TNKS1BP1: variants seen among roughly 807,000 people sequenced by gnomAD.
TNKS1BP1 encodes 182 kDa tankyrase-1-binding protein.
A neutral mutation model predicts 141.1 loss-of-function variants in TNKS1BP1; 48 were observed. The observed-to-expected ratio is 0.34, with a 90% CI of 0.27 to 0.43. The LOEUF (loss-of-function observed/expected upper bound fraction) is 0.43. Ranked by LOEUF, TNKS1BP1 falls within the 20% of genes least tolerant of loss-of-function variation. The probability of loss-of-function intolerance (pLI) is 1.00; values close to 1 mark genes in which losing one functional copy is unlikely to be tolerated. For synonymous variants in TNKS1BP1, 875 were observed against 898.2 expected (o/e 0.97, Z 0.46); for missense variants, 2,149 against 2,226.0 (o/e 0.97, Z 0.70).
chr11:57,311,284 G>A (rs1411319758), intron 5 of TNKS1BP1: 3 of 985,874 alleles, frequency 3.0e-6, no homozygotes, highest in Admixed American at 6.1e-5. Context: ...GAGCCGGCCA[G>A]CCTCATCCCT....
At chr11:57,311,160 G>A (rs566496164) in intron 5 of TNKS1BP1, 13 of 884,600 alleles carry the variant, frequency 1.5e-5, no homozygotes, top group African/African-American at 3.6e-5. Flanking sequence ...AAGACAAGAG[G>A]GGCAGCCTCT....
At position 57,309,707 on chromosome 11, in the gene TNKS1BP1, T is replaced by A; in HGVS notation, c.3004A>T (p.Ile1002Phe). Residue 1002 changes from isoleucine to phenylalanine, a missense_variant, in exon 6 of 12, where the codon ATT becomes TTT. Ile to Phe is a conservative substitution (Grantham distance 21). Transcript: ENST00000358252. This position sits in a 1 kb window ranked among gnomAD's most constrained non-coding sequence, Gnocchi z 4.3. ...CCAAGGCTGTCTTCCACACTTGGAA[T>A]CTTCTTCTCAAATTCCTCATCCTGT... ...QQQDEEFEKKIPSVEDSLGEG... is the reference protein window; with the variant it reads ...QQQDEEFEKKFPSVEDSLGEG... 3 of 1,613,930 alleles carry A rather than the reference T, an allele frequency of 1.9e-6. No individual in the cohort carries two copies. Among genetic ancestry groups the A allele is most frequent in the South Asian group, 1.1e-5 (1 of 91,066 alleles).
intron 6 of TNKS1BP1, among the ~76,000 whole-genome samples, chr11:57,305,767 C>CA (rs34293290): frequency 0.035 from 5,403 of 152,238 alleles, 148 homozygotes; most frequent in Non-Finnish European, 0.047. Context: ...GAACAATTAA[C>CA]AAAACCCCAT....
chr11:57,319,956 A>T, intron 3 of TNKS1BP1, 123 bp downstream of exon 3: 1 of 1,344,344 alleles, frequency 7.4e-7, no homozygotes, highest in Non-Finnish European at 1.0e-6. Context: ...ACAGCACACA[A>T]CCAACCTACA....
chr11:57,324,952 C>A lies in TNKS1BP1; in HGVS notation c.-178G>T, dbSNP rs527414295. ...CCGTCACCGCGGGACGAAGCCACTG[C>A]GAGCCCCGGCGGGGCCCCGCCCCAA... On this transcript the variant is annotated 5_prime_UTR_variant, in exon 1 of 12. Transcript: ENST00000358252. The A allele has an allele frequency of 5.1e-6, 5 of 989,876 alleles. No homozygotes were observed. The Admixed American group carries it at 1.8e-4, about 36-fold the overall frequency. 61.3% of individuals were successfully genotyped at this position (989,876 alleles called of 1,614,324 possible).
At chr11:57,322,026 T>C in intron 1 of TNKS1BP1, 76 bp from the exon 2 acceptor site, 1 of 1,252,106 alleles carries the variant, frequency 8.0e-7, no homozygotes, top group Non-Finnish European at 1.0e-6. Context: ...AAGTCTCCTA[T>C]TTCTAACAGA....
At chr11:57,318,136 T>C (rs1855825955) in intron 3 of TNKS1BP1, among the ~76,000 whole-genome samples, 1 of 152,190 alleles carries the variant, frequency 6.6e-6, no homozygotes, top group African/African-American at 2.4e-5. Flanking sequence ...CCCAGCTACT[T>C]TAGGAAAAGC....
At chr11:57,322,400 C>T (rs777051866) in intron 1 of TNKS1BP1, 62 of 804,228 alleles carry the variant, frequency 7.7e-5, no homozygotes, top group Middle Eastern at 6.2e-4. Flanking sequence ...CCTGCCTCCC[C>T]CTTCCCACTC....
chr11:57,316,171 T>C (rs985375615), intron 4 of TNKS1BP1, among the ~76,000 whole-genome samples: 31 of 152,200 alleles, frequency 2.0e-4, no homozygotes, highest in Non-Finnish European at 4.0e-4. Flanking sequence ...TCCAATTCTC[T>C]GTGCTCATCT....
chr11:57,313,370 G>C lies in TNKS1BP1; in HGVS notation c.1318C>G (p.Gln440Glu). 6.2e-7 allele frequency: 1 copy of C among 1,612,638 alleles called. No homozygotes were observed. The highest frequency in any genetic ancestry group is 8.5e-7 in the Non-Finnish European group (1 of 1,179,680). ...GCCAGCGAGCCCCCCAGCTTCTCCT[G>C]GTCCTGACTGGGTGACTGGAGCACA... ...EGVLQSPSQD[Q>E]EKLGGSLAAL... The change falls in exon 5 of 12, where the codon CAG becomes GAG. Residue 440 changes from glutamine (Q) to glutamate (E), a missense_variant. Coordinates refer to ENST00000358252, the MANE Select transcript of TNKS1BP1 (RefSeq NM_033396.3).
rs914127722 is a variant in TNKS1BP1, at chr11:57,321,831, C to G, written c.55G>C (p.Glu19Gln). ...SSAMASPLPR[E>Q]MEEELVPTGS... is the part of the protein sequence containing the mutation. ...GTAGGCACCAGCTCCTCCTCCATCT[C>G]CCGGGGCAGTGGGGAAGCCATGGCT... The change falls in exon 2 of 12, where the codon GAG becomes CAG. Residue 19 changes from glutamate (E) to glutamine (Q), a missense_variant. Glu to Gln is a conservative substitution (Grantham distance 29). Coordinates refer to ENST00000358252, the MANE Select transcript of TNKS1BP1 (RefSeq NM_033396.3). The G allele has an allele frequency of 6.2e-7, 1 of 1,613,842 alleles. No homozygotes were observed. Among genetic ancestry groups the G allele is most frequent in the African/African-American group, 1.3e-5 (1 of 74,886 alleles).
Position 57,308,819 on chromosome 11 carries a change from G to A in TNKS1BP1, c.3892C>T (p.Pro1298Ser). 2 of 1,614,040 alleles carry A rather than the reference G, an allele frequency of 1.2e-6. No homozygotes were observed. The highest frequency in any genetic ancestry group is 8.5e-7 in the Non-Finnish European group (1 of 1,180,006). The change falls in exon 6 of 12, where the codon CCT becomes TCT. Residue 1298 changes from proline (P) to serine (S), a missense_variant. Physicochemically the swap from Pro to Ser is moderately conservative, Grantham distance 74 (BLOSUM62 -1). Coordinates refer to ENST00000358252, the MANE Select transcript of TNKS1BP1 (RefSeq NM_033396.3). ...ACCCCAAGCTCTTTGGACTCTCCAG[G>A]ACTGCAGACTGCCCCTGGGGCCATG... ...RNMAPGAVCS[P>S]GESKELGVGQ...
At chr11:57,313,972 A>AG (rs1855759977) in intron 4 of TNKS1BP1, 83 bp from the exon 5 acceptor site, 1 of 1,346,652 alleles carries the variant, frequency 7.4e-7, no homozygotes, top group African/African-American at 1.5e-5. Context: ...CACAGACCCC[A>AG]GGTCAGCTTC....
chr11:57,321,569 C>G (rs946147405), intron 2 of TNKS1BP1, among the ~76,000 whole-genome samples: 30 of 152,220 alleles, frequency 2.0e-4, no homozygotes, highest in African/African-American at 7.2e-4. Flanking sequence ...TCAAAGGTCC[C>G]TGTCTGCTCT....
intron 6 of TNKS1BP1, among the ~76,000 whole-genome samples, chr11:57,306,287 A>AAAAAAG (rs962820866): frequency 1.4e-5 from 2 of 143,434 alleles, no homozygotes; most frequent in African/African-American, 5.0e-5. Flanking sequence ...CTCCGTTTCA[A>AAAAAAG]AAAAAAAAAG....
At chr11:57,311,706 G>C (rs1018171293) in intron 5 of TNKS1BP1, among the ~76,000 whole-genome samples, 2 of 151,868 alleles carry the variant, frequency 1.3e-5, no homozygotes, top group Non-Finnish European at 2.9e-5. Flanking sequence ...AATAAATTTC[G>C]AAAGCCACCT....
At position 57,321,913 on chromosome 11, in the gene TNKS1BP1, G is replaced by A. The variant is rs542310451; in HGVS notation, c.-28C>T. On this transcript the variant is annotated 5_prime_UTR_variant, in exon 2 of 12. Coordinates refer to ENST00000358252, the MANE Select transcript of TNKS1BP1 (RefSeq NM_033396.3). ...CATGCGGCAGACCCTCCTTGAGAGC[G>A]GGGAGGCAGAGAGGTATGAGCTGGG... 7.4e-6 allele frequency: 12 copies of A among 1,613,172 alleles called. No individual in the cohort carries two copies. Among genetic ancestry groups the A allele is most frequent in the South Asian group, 3.3e-5 (3 of 90,924 alleles).
At chr11:57,310,974 G>C (rs912498659) in intron 5 of TNKS1BP1, among the ~76,000 whole-genome samples, 1 of 152,140 alleles carries the variant, frequency 6.6e-6, no homozygotes, top group Non-Finnish European at 1.5e-5. Context: ...GCCTCTCTGC[G>C]ACTTCCCTTG....
At chr11:57,322,752 C>T (rs1051321039) in intron 1 of TNKS1BP1, among the ~76,000 whole-genome samples, 1 of 152,000 alleles carries the variant, frequency 6.6e-6, no homozygotes, top group Non-Finnish European at 1.5e-5. Flanking sequence ...TGAGAACATC[C>T]GGGGGGTGGA....
Sources: allele counts gnomAD v4.1 joint callset (sites outside exome capture counted in the v4.1 genomes callset), GRCh38; gene constraint gnomAD v4.1.1; non-coding constraint Gnocchi (gnomAD v3.1); transcripts MANE v1.5; gene names NCBI Gene and HGNC (gene_info 2026-07-23, HGNC 2026-07-21).